Variants in TMEM204 observed in about 807,000 individuals in gnomAD.
TMEM204 encodes claudin-like protein 24.
TMEM204 carries 15 observed loss-of-function variants against 19.4 expected under a neutral mutation model. The ratio of observed to expected loss-of-function variants is 0.77; its 90% CI spans 0.52 to 1.19. The LOEUF (loss-of-function observed/expected upper bound fraction) is 1.19, where lower values mean the gene tolerates loss of function less well. Among genes scored for constraint, TMEM204 ranks in the 50% most tolerant of loss-of-function variants. TMEM204 has a pLI of 0.00. For missense variants in TMEM204, 287 were observed against 321.2 expected (o/e 0.89, Z 0.81); for synonymous variants, 161 against 146.0 (o/e 1.10, Z -0.74).
In TMEM204 at chr16:1,554,829, T is replaced by C. The variant is rs2032957807; in HGVS notation, c.484T>C (p.Tyr162His). ...GLVTFYRIGP[Y>H]TNLSWSCYLN... is the part of the protein sequence containing the mutation. ...CGTGACTTTCTACAGAATTGGCCCA[T>C]ACACCAACCTGTCCTGGTCCTGCTA... Residue 162 changes from tyrosine (Y) to histidine (H), a missense_variant, in exon 3 of 3, where the codon TAC becomes CAC. Transcript: ENST00000566264. 6.2e-7 allele frequency: 1 copy of C among 1,614,074 alleles called. No homozygotes were observed. The highest frequency in any genetic ancestry group is 1.3e-5 in the African/African-American group (1 of 74,930).
At chr16:1,554,236 A>G (rs950781760) in intron 2 of TMEM204, 25 of 752,054 alleles carry the variant, frequency 3.3e-5, no homozygotes, top group Non-Finnish European at 4.7e-5. Context: ...AAAGGCCAAG[A>G]GCAAGAAAAC....
intron 2 of TMEM204, among the ~76,000 whole-genome samples, chr16:1,543,765 C>T (rs979142969): frequency 6.6e-6 from 1 of 152,220 alleles, no homozygotes; most frequent in African/African-American, 2.4e-5. Flanking sequence ...AAAGCTCCCA[C>T]GGGGCCCTCT....
intron 2 of TMEM204, among the ~76,000 whole-genome samples, chr16:1,546,543 G>C (rs2032187611): frequency 6.6e-6 from 1 of 152,240 alleles, no homozygotes; most frequent in Admixed American, 6.5e-5. Context: ...TCTCTCTGAA[G>C]CCCTGCTGGG....
At chr16:1,536,547 G>A (rs1372896282) in intron 1 of TMEM204, among the ~76,000 whole-genome samples, 1 of 152,224 alleles carries the variant, frequency 6.6e-6, no homozygotes, top group African/African-American at 2.4e-5. Context: ...AAGCGTCACG[G>A]AAGCTCCTTG....
chr16:1,539,009 C>A (rs1161888906), intron 1 of TMEM204, among the ~76,000 whole-genome samples: 1 of 151,620 alleles, frequency 6.6e-6, no homozygotes, highest in Non-Finnish European at 1.5e-5. Flanking sequence ...TGCCACGCGG[C>A]CCCCCACCTC....
chr16:1,534,139 G>A lies in TMEM204; in HGVS notation c.-137G>A, dbSNP rs1213735367. Reference sequence around the variant, plus strand: ...AGGCGGCACACCTGGACCATCCCATGGGCCTCCGCCCGCGCCGCCCCGAGG... The same window carrying A: ...AGGCGGCACACCTGGACCATCCCATAGGCCTCCGCCCGCGCCGCCCCGAGG... On this transcript the variant is annotated 5_prime_UTR_variant, in exon 1 of 3. The change abolishes an upstream ATG in the 5' untranslated region. Transcript: ENST00000566264. The A allele has an allele frequency of 1.8e-6, 2 of 1,122,384 alleles. No individual in the cohort carries two copies. The highest frequency in any genetic ancestry group is 1.6e-5 in the African/African-American group (1 of 62,898). 69.5% of individuals were successfully genotyped at this position (1,122,384 alleles called of 1,614,324 possible).
At chr16:1,542,165 G>T (rs2031716376) in intron 2 of TMEM204, 89 bp downstream of exon 2, 2 of 1,380,246 alleles carry the variant, frequency 1.4e-6, no homozygotes, top group Non-Finnish European at 1.9e-6. Flanking sequence ...TGGGTGGCCT[G>T]GGGGGAAGCT....
intron 2 of TMEM204, among the ~76,000 whole-genome samples, chr16:1,550,743 G>A (rs1383222736): frequency 2.0e-5 from 3 of 152,210 alleles, no homozygotes; most frequent in Non-Finnish European, 2.9e-5. Flanking sequence ...ATAGGGCAAG[G>A]CCCTGCCAAA....
Position 1,553,830 on chromosome 16 carries a change from A to C in TMEM204, c.437-952A>C. 8.3e-7 allele frequency: 1 copy of C among 1,209,128 alleles called. No homozygotes were observed. The highest frequency in any genetic ancestry group is 1.1e-6 in the Non-Finnish European group (1 of 950,544). 74.9% of individuals were successfully genotyped at this position (1,209,128 alleles called of 1,614,324 possible). ...CAGCTGGATTAGGACGCCCGGCTCC[A>C]TCGCTGCGGCCACAGTGTCCTGTTA... On this transcript the variant is annotated intron_variant, in intron 2 of 2. Coordinates refer to ENST00000566264, the MANE Select transcript of TMEM204 (RefSeq NM_024600.6). The surrounding 1 kb of genome is among the most constrained non-coding windows in gnomAD (Gnocchi z 4.4).
chr16:1,530,916 A>G (rs971114748), upstream of TMEM204: 1 of 152,364 alleles, frequency 6.6e-6, no homozygotes, highest in African/African-American at 2.4e-5. Context: ...TGGAGGCTGG[A>G]CACGCCCTCC....
chr16:1,535,871 G>A (rs1467187513), intron 1 of TMEM204, among the ~76,000 whole-genome samples: 1 of 152,232 alleles, frequency 6.6e-6, no homozygotes, highest in Non-Finnish European at 1.5e-5. Context: ...GCTTCCACCG[G>A]CTCTCAGAAC....
intron 2 of TMEM204, among the ~76,000 whole-genome samples, chr16:1,542,588 C>T (rs778904076): frequency 6.6e-6 from 1 of 152,236 alleles, no homozygotes; most frequent in East Asian, 1.9e-4. Context: ...CTTCCTAGGA[C>T]CTGCCTGGGG....
In TMEM204 at chr16:1,534,122, C is replaced by CCTG. The variant is rs2030800871; in HGVS notation, c.-154_-153insCTG. 1 of 935,792 alleles carries CCTG rather than the reference C, an allele frequency of 1.1e-6. No homozygotes were observed. Among genetic ancestry groups the CCTG allele is most frequent in the Admixed American group, 3.0e-5 (1 of 33,506 alleles). The allele number at this position is 935,792 out of a possible 1,614,324, so 58.0% of individuals were successfully genotyped here. A position where few individuals can be genotyped will look rare whatever the true frequency, so the allele number is the denominator to read the frequency against. On this transcript the variant is annotated 5_prime_UTR_variant, in exon 1 of 3. Transcript: ENST00000566264. ...GATAAGGCCGGGCCGAGAGGCGGCA[C>CCTG]ACCTGGACCATCCCATGGGCCTCCG...
At chr16:1,529,582 C>T (rs1484240256), upstream of TMEM204, among the ~76,000 whole-genome samples, 1 of 152,248 alleles carries the variant, frequency 6.6e-6, no homozygotes, top group East Asian at 1.9e-4. Context: ...CAGGGAGAGG[C>T]CTGAGCACCC....
chr16:1,529,329 C>A (rs1229814304), upstream of TMEM204, among the ~76,000 whole-genome samples: 1 of 152,190 alleles, frequency 6.6e-6, no homozygotes, highest in Non-Finnish European at 1.5e-5. Flanking sequence ...GTCTGGGGGG[C>A]CGGGAAGTGA....
Position 1,534,142 on chromosome 16 carries a change from C to A in TMEM204, c.-134C>A. On this transcript the variant is annotated 5_prime_UTR_variant, in exon 1 of 3. Transcript: ENST00000566264. ...CGGCACACCTGGACCATCCCATGGG[C>A]CTCCGCCCGCGCCGCCCCGAGGATG... 1.7e-6 allele frequency: 2 copies of A among 1,161,468 alleles called. No individual in the cohort carries two copies. Among genetic ancestry groups the A allele is most frequent in the Non-Finnish European group, 1.2e-6 (1 of 846,184 alleles). The allele number at this position is 1,161,468 out of a possible 1,614,324, so 71.9% of individuals were successfully genotyped here.
Position 1,542,446 on chromosome 16 carries a change from G to A in TMEM204, c.436+370G>A, listed in dbSNP as rs754302321. Among the ~76,000 whole-genome samples, 160 of 152,338 alleles carry A rather than the reference G, an allele frequency of 1.1e-3. 1 individual carries two copies. Among genetic ancestry groups the A allele is most frequent in the South Asian group, 3.5e-3 (17 of 4,832 alleles). On this transcript the variant is annotated intron_variant, in intron 2 of 2. Transcript: ENST00000566264. Reference sequence around the variant, plus strand: ...TGGGTCCTGCCCCTTCCTCAATGCTGAGGCAGCTGGTGGGGAGCAGCCCCT... The same window carrying A: ...TGGGTCCTGCCCCTTCCTCAATGCTAAGGCAGCTGGTGGGGAGCAGCCCCT...
upstream of TMEM204, chr16:1,532,168 G>C (rs1468483503): frequency 6.6e-6 from 1 of 152,288 alleles, no homozygotes; most frequent in Non-Finnish European, 1.5e-5. Flanking sequence ...AGCCACCCGG[G>C]AGAGTGGGGG....
intron 2 of TMEM204, among the ~76,000 whole-genome samples, chr16:1,542,377 G>A (rs1484425970): frequency 1.3e-5 from 2 of 152,250 alleles, no homozygotes; most frequent in African/African-American, 2.4e-5. Context: ...AGTCTGTGGG[G>A]TCTGATTGCT....
Sources: allele counts gnomAD v4.1 joint callset (sites outside exome capture counted in the v4.1 genomes callset), GRCh38; gene constraint gnomAD v4.1.1; non-coding constraint Gnocchi (gnomAD v3.1); transcripts MANE v1.5; gene names NCBI Gene and HGNC (gene_info 2026-07-23, HGNC 2026-07-21).